The following CMIP variants were observed in gnomAD, a reference collection of about 807,000 sequenced individuals.
The protein encoded by CMIP is c-Maf inducing protein.
A neutral mutation model predicts 97.3 loss-of-function variants in CMIP; 13 were observed. The ratio of observed to expected loss-of-function variants is 0.13; its 90% CI spans 0.09 to 0.21. CMIP has a LOEUF of 0.21. Ranked by LOEUF, CMIP falls within the 10% of genes least tolerant of loss-of-function variation. The probability of loss-of-function intolerance (pLI) is 1.00; values close to 1 mark genes in which losing one functional copy is unlikely to be tolerated. For synonymous variants in CMIP, 538 were observed against 436.3 expected, an observed-to-expected ratio of 1.23 and a Z score of -2.91; for missense variants, 847 against 1,024.9, an observed-to-expected ratio of 0.83 and a Z score of 2.37.
chr16:81,709,607 G>C (rs1908535717), intron 20 of CMIP, 139 bp from the exon 21 acceptor site: 2 of 877,204 alleles, frequency 2.3e-6, no homozygotes, highest in Admixed American at 2.4e-5. Flanking sequence ...ACCCCTCCAA[G>C]AGCCCAGGTA....
intron 3 of CMIP, chr16:81,651,301 C>A: frequency 5.7e-6 from 2 of 351,526 alleles, no homozygotes; most frequent in Non-Finnish European, 8.0e-6. Context: ...TTGGCCCAGA[C>A]CTCCGCCTTC....
At chr16:81,696,294 G>C in intron 13 of CMIP, 1 of 549,972 alleles carries the variant, frequency 1.8e-6, no homozygotes, top group Admixed American at 3.2e-5. Flanking sequence ...ATTCAGATCA[G>C]CCAATCAAGC....
At chr16:81,602,091 T>G (rs908362557) in intron 1 of CMIP, among the ~76,000 whole-genome samples, 1 of 152,032 alleles carries the variant, frequency 6.6e-6, no homozygotes, top group African/African-American at 2.4e-5. Context: ...CACTGCGGAG[T>G]TGTGCATGGC....
At chr16:81,456,668 T>G (rs1906568260) in intron 1 of CMIP, among the ~76,000 whole-genome samples, 1 of 152,108 alleles carries the variant, frequency 6.6e-6, no homozygotes, top group Admixed American at 6.5e-5. Context: ...TTACCCAGCT[T>G]GTAATTGTGG....
At chr16:81,598,660 C>T (rs1367698418) in intron 1 of CMIP, among the ~76,000 whole-genome samples, 1 of 152,160 alleles carries the variant, frequency 6.6e-6, no homozygotes, top group African/African-American at 2.4e-5. Flanking sequence ...GTTTCACAGG[C>T]CACAACAGAA....
At chr16:81,509,532 T>C (rs1254526335) in intron 1 of CMIP, among the ~76,000 whole-genome samples, 1 of 152,246 alleles carries the variant, frequency 6.6e-6, no homozygotes, top group Non-Finnish European at 1.5e-5. Context: ...ACTTTCATGT[T>C]GGTGCCTGAT....
intron 10 of CMIP, among the ~76,000 whole-genome samples, chr16:81,684,691 G>A (rs1450563779): frequency 6.6e-6 from 1 of 152,232 alleles, no homozygotes; most frequent in Admixed American, 6.5e-5. Flanking sequence ...GGGTTCTAAG[G>A]CCCTCTTCAT....
At chr16:81,457,594 C>A (rs543460296) in intron 1 of CMIP, among the ~76,000 whole-genome samples, 36 of 152,358 alleles carry the variant, frequency 2.4e-4, no homozygotes, top group African/African-American at 8.4e-4. Context: ...GCAGGCTCTG[C>A]CACATGTCCC....
At chr16:81,566,148 T>G (rs1467707586) in intron 1 of CMIP, among the ~76,000 whole-genome samples, 3 of 152,172 alleles carry the variant, frequency 2.0e-5, no homozygotes, top group African/African-American at 7.2e-5. Context: ...CAGAGGTGCT[T>G]CAGATTGGAG....
intron 1 of CMIP, among the ~76,000 whole-genome samples, chr16:81,560,924 A>G (rs564457415): frequency 7.2e-5 from 11 of 152,084 alleles, no homozygotes; most frequent in African/African-American, 2.4e-4. Flanking sequence ...TGAAAATGCA[A>G]TTTCTCAGAA....
intron 1 of CMIP, among the ~76,000 whole-genome samples, chr16:81,559,956 C>T (rs902118261): frequency 1.3e-4 from 19 of 151,792 alleles, no homozygotes; most frequent in African/African-American, 2.2e-4. Flanking sequence ...GAGACCAGCC[C>T]GGCCAACGTG....
chr16:81,484,911 C>T (rs2089292241), intron 1 of CMIP, among the ~76,000 whole-genome samples: 1 of 152,108 alleles, frequency 6.6e-6, no homozygotes, highest in East Asian at 1.9e-4. Context: ...GCCTCTTTCC[C>T]TCCCTCCCCT....
chr16:81,510,403 T>C (rs1184668897), intron 1 of CMIP, among the ~76,000 whole-genome samples: 2 of 152,226 alleles, frequency 1.3e-5, no homozygotes, highest in Non-Finnish European at 2.9e-5. Context: ...CCTAACATTA[T>C]TATGTGCTCT....
intron 1 of CMIP, among the ~76,000 whole-genome samples, chr16:81,570,453 C>T (rs990680402): frequency 1.1e-4 from 17 of 152,164 alleles, no homozygotes; most frequent in African/African-American, 3.6e-4. Context: ...CGTTCTGAGC[C>T]TCGGTGTATT....
At chr16:81,691,743 C>T (rs919955344) in intron 10 of CMIP, 32 bp from the exon 11 acceptor site, 7 of 1,604,062 alleles carry the variant, frequency 4.4e-6, no homozygotes, top group African/African-American at 4.0e-5. Context: ...CTTGTCCCAA[C>T]CAAAGCTGAC....
At chr16:81,640,738 A>ATGTGTG (rs751455480) in intron 3 of CMIP, among the ~76,000 whole-genome samples, 7 of 138,938 alleles carry the variant, frequency 5.0e-5, no homozygotes, top group South Asian at 2.4e-4. Context: ...TCTCTGGAGC[A>ATGTGTG]TGTGTGTGTG....
At chr16:81,579,920 C>T (rs1378861113) in intron 1 of CMIP, among the ~76,000 whole-genome samples, 2 of 152,220 alleles carry the variant, frequency 1.3e-5, no homozygotes, top group African/African-American at 4.8e-5. Context: ...CGCACCACTG[C>T]ACTCCAGCCC....
At chr16:81,502,419 C>G (rs1004674226) in intron 1 of CMIP, among the ~76,000 whole-genome samples, 4 of 152,174 alleles carry the variant, frequency 2.6e-5, no homozygotes, top group African/African-American at 9.7e-5. Context: ...TCCATGTGAG[C>G]AATGGAGGGG....
At chr16:81,644,846 G>A (rs371485467) in intron 3 of CMIP, among the ~76,000 whole-genome samples, 3 of 152,118 alleles carry the variant, frequency 2.0e-5, no homozygotes, top group East Asian at 1.9e-4. Context: ...GGAGAGGGGG[G>A]TCTCCCATGG....
Sources: allele counts gnomAD v4.1 joint callset (sites outside exome capture counted in the v4.1 genomes callset), GRCh38; gene constraint gnomAD v4.1.1; transcripts MANE v1.5; gene names NCBI Gene and HGNC (gene_info 2026-07-23, HGNC 2026-07-21).